Variants in SUPT3H observed in about 807,000 individuals in gnomAD.
SUPT3H encodes the protein SPT3 homolog, SAGA and STAGA complex component.
Under a neutral mutation model 44.3 loss-of-function variants are expected in SUPT3H, and 44 were observed. That is an observed-to-expected ratio of 0.99 (90% CI 0.78 to 1.28). SUPT3H has a LOEUF of 1.28. SUPT3H is among the 50% of genes most tolerant of loss of function. SUPT3H has a pLI of 0.00. For synonymous variants in SUPT3H, 124 were observed against 125.6 expected, an observed-to-expected ratio of 0.99 and a Z score of 0.09; for missense variants, 380 against 387.1, an observed-to-expected ratio of 0.98 and a Z score of 0.15.
intron 9 of SUPT3H, among the ~76,000 whole-genome samples, chr6:44,937,793 T>C (rs1398805874): frequency 1.3e-5 from 2 of 152,046 alleles, no homozygotes; most frequent in Non-Finnish European, 1.5e-5. Context: ...TTTTTTGTTG[T>C]TGTTGTTTAG....
chr6:44,842,613 T>TG (rs1771139878), intron 10 of SUPT3H, among the ~76,000 whole-genome samples: 1 of 151,090 alleles, frequency 6.6e-6, no homozygotes, highest in East Asian at 1.9e-4. Flanking sequence ...CATATACCTA[T>TG]TTTTTTTTAA....
At position 45,110,432 on chromosome 6, in the gene SUPT3H, G is replaced by A. The variant is rs989844862; in HGVS notation, c.102-4426C>T. On this transcript the variant is annotated intron_variant, in intron 2 of 10. Coordinates refer to ENST00000371459, the MANE Select transcript of SUPT3H (RefSeq NM_003599.4). Reference sequence around the variant, plus strand: ...AACACTTTTAACATTTTTGCGCTATGTATAGCCCAATACTATCTAAAATTA... The same window carrying A: ...AACACTTTTAACATTTTTGCGCTATATATAGCCCAATACTATCTAAAATTA... Among the ~76,000 whole-genome samples the A allele has an allele frequency of 3.9e-5, 6 of 152,228 alleles. No homozygotes were observed. The South Asian group carries it at 1.2e-3, about 32-fold the overall frequency.
intron 2 of SUPT3H, among the ~76,000 whole-genome samples, chr6:45,299,763 A>T (rs1391410017): frequency 6.6e-6 from 1 of 152,046 alleles, no homozygotes; most frequent in Non-Finnish European, 1.5e-5. Flanking sequence ...AAAAAAAAAA[A>T]AAAATTAATT....
In SUPT3H at chr6:45,110,802, TCTC is replaced by T. The variant is rs561380024; in HGVS notation, c.102-4799_102-4797del. Among the ~76,000 whole-genome samples the T allele has an allele frequency of 2.1e-3, 324 of 152,288 alleles. 1 individual carries two copies. Among genetic ancestry groups the T allele is most frequent in the African/African-American group, 7.5e-3 (310 of 41,558 alleles). On this transcript the variant is annotated intron_variant, in intron 2 of 10. Transcript: ENST00000371459. ...TTTGATGATGTATCAATTGACCTATTCTCCTCACATCTACATATCCCCAGCTGT... is the reference window on the plus strand; with the variant it reads ...TTTGATGATGTATCAATTGACCTATTCTCACATCTACATATCCCCAGCTGT...
At chr6:44,956,200 C>G (rs1326431755) in intron 7 of SUPT3H, among the ~76,000 whole-genome samples, 1 of 142,082 alleles carries the variant, frequency 7.0e-6, no homozygotes, top group African/African-American at 2.6e-5. Flanking sequence ...AAAAAAGTGT[C>G]TAGGTCGGGC....
intron 2 of SUPT3H, among the ~76,000 whole-genome samples, chr6:45,296,548 G>A (rs1057092707): frequency 6.6e-6 from 1 of 151,798 alleles, no homozygotes; most frequent in Non-Finnish European, 1.5e-5. Flanking sequence ...AGACTAGCCT[G>A]GCCAACACGG....
chr6:45,280,668 C>T (rs1367397355), intron 2 of SUPT3H, among the ~76,000 whole-genome samples: 1 of 152,082 alleles, frequency 6.6e-6, no homozygotes, highest in Non-Finnish European at 1.5e-5. Context: ...TAATTACTCC[C>T]CTTGTAACAT....
At chr6:45,061,893 GTTTTT>G (rs34656186) in intron 3 of SUPT3H, among the ~76,000 whole-genome samples, 255 of 93,530 alleles carry the variant, frequency 2.7e-3, no homozygotes, top group African/African-American at 0.01. Context: ...TCCATAAGCT[GTTTTT>G]TTTTTTTTTT....
chr6:45,050,416 A>G (rs549825152), intron 3 of SUPT3H, among the ~76,000 whole-genome samples: 1 of 151,668 alleles, frequency 6.6e-6, no homozygotes, highest in East Asian at 1.9e-4. Context: ...ACAAAATAAC[A>G]CAAGAAGTTA....
chr6:45,220,531 T>C (rs1342297526), intron 2 of SUPT3H, among the ~76,000 whole-genome samples: 2 of 152,064 alleles, frequency 1.3e-5, no homozygotes, highest in African/African-American at 4.8e-5. Flanking sequence ...ATATCCACTC[T>C]CCCCACTCTT....
At chr6:45,104,849 T>C (rs1000993356) in intron 3 of SUPT3H, among the ~76,000 whole-genome samples, 1 of 152,038 alleles carries the variant, frequency 6.6e-6, no homozygotes, top group African/African-American at 2.4e-5. Context: ...CAGCTCTCCT[T>C]AACTTATAAA....
intron 2 of SUPT3H, among the ~76,000 whole-genome samples, chr6:45,283,638 G>C (rs186703283): frequency 0.017 from 2,657 of 151,954 alleles, 49 homozygotes; most frequent in South Asian, 0.085. Context: ...ATAATAATGG[G>C]AGACTTTAAC....
intron 2 of SUPT3H, among the ~76,000 whole-genome samples, chr6:45,224,934 T>C (rs1280513263): frequency 6.6e-6 from 1 of 152,118 alleles, no homozygotes; most frequent in Non-Finnish European, 1.5e-5. Flanking sequence ...TCATTATGTG[T>C]ATTTCTGAAC....
At chr6:45,124,318 T>C (rs943748753) in intron 2 of SUPT3H, among the ~76,000 whole-genome samples, 1 of 152,068 alleles carries the variant, frequency 6.6e-6, no homozygotes, top group South Asian at 2.1e-4. Context: ...ATCAACTTCA[T>C]GTTCTTATTT....
intron 2 of SUPT3H, among the ~76,000 whole-genome samples, chr6:45,262,040 A>G (rs1774449105): frequency 6.6e-6 from 1 of 152,090 alleles, no homozygotes; most frequent in South Asian, 2.1e-4. Context: ...AGATCTCTAC[A>G]AGAATTACAA....
At chr6:45,017,655 T>C (rs1311575288) in intron 4 of SUPT3H, among the ~76,000 whole-genome samples, 4 of 150,494 alleles carry the variant, frequency 2.7e-5, no homozygotes, top group African/African-American at 7.3e-5. Flanking sequence ...CAGATAGTTG[T>C]AGATATGCAG....
rs565233189 is a variant in SUPT3H at position 44,974,221 on chromosome 6, G to GTA, written c.505-12395_505-12394dup. The stretch of plus-strand genomic sequence containing the variant: ...TGAACATTTGAAAATATGTATTTGT[G>GTA]TATATATATATTCATATATACATGT... On this transcript the variant is annotated intron_variant, in intron 6 of 10. Transcript: ENST00000371459. Among the ~76,000 whole-genome samples the GTA allele has an allele frequency of 2.7e-4, 41 of 151,482 alleles. No individual in the cohort carries two copies. In the South Asian group the frequency reaches 3.1e-3, roughly 12 times the overall value.
rs148905021 is a variant in SUPT3H, at chr6:45,183,835, C to T, written c.102-77829G>A. Among the ~76,000 whole-genome samples, 234 of 152,244 alleles carry T rather than the reference C, an allele frequency of 1.5e-3. 3 individuals are homozygous for T. Among genetic ancestry groups the T allele is most frequent in the African/African-American group, 5.5e-3 (228 of 41,548 alleles). ...CAAAGAAGCCAATCTGAAAAGGATA[C>T]CTACTGTATGATTCTGATACAACAT... On this transcript the variant is annotated intron_variant, in intron 2 of 10. Coordinates refer to ENST00000371459, the MANE Select transcript of SUPT3H (RefSeq NM_003599.4).
At chr6:44,918,620 C>T (rs1213662491) in intron 10 of SUPT3H, among the ~76,000 whole-genome samples, 2 of 152,162 alleles carry the variant, frequency 1.3e-5, no homozygotes, top group Non-Finnish European at 2.9e-5. Context: ...ATTTAGAGGA[C>T]AGTTCAGTGG....
Sources: gnomAD v4.1 joint callset for allele counts (sites outside exome capture counted in the v4.1 genomes callset) on GRCh38, gnomAD v4.1.1 for gene constraint, MANE v1.5 for transcripts, NCBI Gene and HGNC (gene_info 2026-07-23, HGNC 2026-07-21) for gene names.